Variants in PCDHA13 observed in about 807,000 individuals in gnomAD.
PCDHA13 encodes the protein protocadherin alpha 13.
In PCDHA13, 54 loss-of-function variants were observed where a neutral mutation model predicts 64.8. The observed-to-expected ratio is 0.83, with a 90% CI of 0.67 to 1.04. The LOEUF is 1.04. PCDHA13 is among the 50% of genes least tolerant of loss of function. PCDHA13 has a pLI of 0.00. For missense variants in PCDHA13, 1,248 were observed against 1,254.3 expected (o/e 0.99, Z 0.08); for synonymous variants, 587 against 564.4 (o/e 1.04, Z -0.57).
At chr5:140,951,589 C>A (rs2094605772) in intron 1 of PCDHA13, among the ~76,000 whole-genome samples, 1 of 152,088 alleles carries the variant, frequency 6.6e-6, no homozygotes, top group Admixed American at 6.5e-5. Flanking sequence ...TTCACGAGAT[C>A]TCTCTCACTG....
chr5:140,927,995 AC>A, intron 1 of PCDHA13: 5 of 1,614,042 alleles, frequency 3.1e-6, no homozygotes, highest in Non-Finnish European at 4.2e-6. Flanking sequence ...AAGGATGAAG[AC>A]CTCGATTCTA....
At chr5:140,989,747 G>A (rs1554251066) in intron 3 of PCDHA13, among the ~76,000 whole-genome samples, 1 of 152,166 alleles carries the variant, frequency 6.6e-6, no homozygotes, top group African/African-American at 2.4e-5. Flanking sequence ...TGCCTAATCT[G>A]GAGAAACATA....
intron 1 of PCDHA13, among the ~76,000 whole-genome samples, chr5:140,918,233 T>C (rs1554198474): frequency 6.6e-6 from 1 of 152,210 alleles, no homozygotes; most frequent in South Asian, 2.1e-4. Context: ...TTTTTGTACA[T>C]TGATTTTGTA....
intron 1 of PCDHA13, among the ~76,000 whole-genome samples, chr5:140,895,476 G>A (rs928938592): frequency 6.6e-6 from 1 of 152,074 alleles, no homozygotes; most frequent in Non-Finnish European, 1.5e-5. Context: ...ATCCTCTTCG[G>A]AGAAATACCT....
chr5:140,941,199 C>CTT (rs879983584), intron 1 of PCDHA13, among the ~76,000 whole-genome samples: 22 of 115,972 alleles, frequency 1.9e-4, no homozygotes, highest in African/African-American at 6.6e-4. Context: ...TTTTTTCTTT[C>CTT]TTCCTTTCTT....
rs782029549 is a variant in PCDHA13 at position 140,884,520 on chromosome 5, C to G, written c.2252C>G (p.Ser751Trp). The change falls in exon 1 of 4, where the codon TCG becomes TGG. Residue 751 changes from serine to tryptophan, a missense_variant. Transcript: ENST00000289272. ...AGCGCGGCAGGGAGTTGGTCGTACT[C>G]GCAGCAGAGGCGGCCGAGGGTGTGC... The part of the protein sequence containing the change: ...CSSAAGSWSY[S>W]QQRRPRVCSG... 7 of 1,613,918 alleles carry G rather than the reference C, an allele frequency of 4.3e-6. No individual in the cohort carries two copies. The highest frequency in any genetic ancestry group is 1.6e-4 in the Middle Eastern group (1 of 6,082).
chr5:140,952,952 G>C (rs1477546132), intron 1 of PCDHA13, among the ~76,000 whole-genome samples: 1 of 151,924 alleles, frequency 6.6e-6, no homozygotes, highest in Non-Finnish European at 1.5e-5. Context: ...GAGAGAAGGG[G>C]GAAGTGATAC....
chr5:140,928,043 C>G (rs1554205400), intron 1 of PCDHA13: 2 of 1,614,192 alleles, frequency 1.2e-6, no homozygotes, highest in Non-Finnish European at 1.7e-6. Context: ...AGTGCAGGCC[C>G]TTTTCAGCTG....
chr5:140,969,140 T>G, intron 1 of PCDHA13: 1 of 1,613,980 alleles, frequency 6.2e-7, no homozygotes, highest in Non-Finnish European at 8.5e-7. Flanking sequence ...CAAGACCTAC[T>G]GCTACAAGGC....
At chr5:140,989,105 T>G (rs550881823) in intron 3 of PCDHA13, 2 of 152,232 alleles carry the variant, frequency 1.3e-5, no homozygotes, top group African/African-American at 4.8e-5. Flanking sequence ...GAAACAACTT[T>G]TGAATATATC....
chr5:140,965,814 T>C (rs1423732818), intron 1 of PCDHA13, among the ~76,000 whole-genome samples: 1 of 152,224 alleles, frequency 6.6e-6, no homozygotes, highest in Non-Finnish European at 1.5e-5. Flanking sequence ...AAACAGAGCA[T>C]TTTAAACATT....
chr5:140,919,455 ATGT>A (rs2079137711), intron 1 of PCDHA13, among the ~76,000 whole-genome samples: 1 of 152,118 alleles, frequency 6.6e-6, no homozygotes, highest in Admixed American at 6.5e-5. Flanking sequence ...TATTCACATG[ATGT>A]TACTATTGAT....
At chr5:140,947,234 AAAAAT>A (rs1164220377) in intron 1 of PCDHA13, among the ~76,000 whole-genome samples, 3 of 151,602 alleles carry the variant, frequency 2.0e-5, no homozygotes, top group Non-Finnish European at 3.0e-5. Flanking sequence ...GACAGGAAAA[AAAAAT>A]AAGATAATCC....
intron 1 of PCDHA13, chr5:140,969,487 T>C: frequency 6.8e-7 from 1 of 1,460,090 alleles, no homozygotes; most frequent in Non-Finnish European, 9.1e-7. Flanking sequence ...TAATCTGCTA[T>C]TTCCTCTCTA....
At chr5:140,998,287 G>A (rs1209811850) in intron 3 of PCDHA13, among the ~76,000 whole-genome samples, 3 of 152,154 alleles carry the variant, frequency 2.0e-5, no homozygotes, top group Non-Finnish European at 4.4e-5. Flanking sequence ...GATTAAATCA[G>A]ATCACACATT....
intron 1 of PCDHA13, among the ~76,000 whole-genome samples, chr5:140,974,769 T>C (rs1487371754): frequency 6.6e-6 from 1 of 152,238 alleles, no homozygotes; most frequent in Non-Finnish European, 1.5e-5. Context: ...ATTACAGGTA[T>C]GAGCCACTGC....
At chr5:140,978,914 C>T (rs2096828574) in intron 1 of PCDHA13, 35 bp from the exon 2 acceptor site, 5 of 1,613,852 alleles carry the variant, frequency 3.1e-6, no homozygotes, top group Non-Finnish European at 3.4e-6. Flanking sequence ...ATTGTCTTGT[C>T]ATTTTAACAG....
At chr5:140,927,612 C>T (rs781873236) in intron 1 of PCDHA13, 12 of 1,614,172 alleles carry the variant, frequency 7.4e-6, no homozygotes, top group Non-Finnish European at 8.5e-6. Context: ...TATACCGCAC[C>T]AAGGTTCCAG....
chr5:140,976,378 C>G (rs908008970), intron 1 of PCDHA13, among the ~76,000 whole-genome samples: 2 of 151,926 alleles, frequency 1.3e-5, no homozygotes, highest in Non-Finnish European at 2.9e-5. Flanking sequence ...TGGTGAAACC[C>G]CATCTCTACT....
Sources: allele counts gnomAD v4.1 joint callset (sites outside exome capture counted in the v4.1 genomes callset), GRCh38; gene constraint gnomAD v4.1.1; transcripts MANE v1.5; gene names NCBI Gene and HGNC (gene_info 2026-07-23, HGNC 2026-07-21).